Variants in MYOM1 observed in about 807,000 individuals in gnomAD.
The protein encoded by MYOM1 is myomesin-1.
Under a neutral mutation model 205.3 loss-of-function variants are expected in MYOM1, and 164 were observed. The ratio of observed to expected loss-of-function variants is 0.80; its 90% CI spans 0.70 to 0.91. The LOEUF is 0.91. Among genes scored for constraint, MYOM1 ranks in the 40% least tolerant of loss-of-function variants. The pLI is 0.00. For synonymous variants in MYOM1, 772 were observed against 789.4 expected, an observed-to-expected ratio of 0.98 and a Z score of 0.37; for missense variants, 2,011 against 2,127.3, an observed-to-expected ratio of 0.95 and a Z score of 1.08.
At chr18:3,082,426 C>G (rs535187068) in intron 33 of MYOM1, among the ~76,000 whole-genome samples, 2 of 152,324 alleles carry the variant, frequency 1.3e-5, no homozygotes, top group South Asian at 2.1e-4. Context: ...TGAGGAGCAC[C>G]TACCATGTAG....
intron 23 of MYOM1, among the ~76,000 whole-genome samples, chr18:3,101,989 ATTTTTTTT>A (rs35882298): frequency 7.2e-5 from 4 of 55,848 alleles, no homozygotes; most frequent in African/African-American, 3.3e-4. Context: ...TCAGTCTGGG[ATTTTTTTT>A]TTTTTTTTTT....
chr18:3,193,736 A>G, intron 3 of MYOM1, 82 bp downstream of exon 3: 1 of 1,386,506 alleles, frequency 7.2e-7, no homozygotes, highest in South Asian at 1.4e-5. Context: ...GTCCACAACA[A>G]TTATGACTAT....
Position 3,164,392 on chromosome 18 carries a change from C to T in MYOM1, c.1387G>A (p.Glu463Lys). 1 of 1,610,808 alleles carries T rather than the reference C, an allele frequency of 6.2e-7. No individual in the cohort carries two copies. The highest frequency in any genetic ancestry group is 8.5e-7 in the Non-Finnish European group (1 of 1,178,238). ...TGGGAAAATGTCAGCGTTGCCCGCTCTCCACTCCAAAGTGTTTGCACCCAT... is the reference window on the plus strand; with the variant it reads ...TGGGAAAATGTCAGCGTTGCCCGCTTTCCACTCCAAAGTGTTTGCACCCAT... ...SKWVQTLWSG[E>K]RATLTFSHLN... The change falls in exon 10 of 38, where the codon GAG becomes AAG. Residue 463 changes from glutamate to lysine, a missense_variant. Physicochemically the swap from Glu to Lys is moderately conservative, Grantham distance 56. Coordinates refer to ENST00000356443, the MANE Select transcript of MYOM1 (RefSeq NM_003803.4).
chr18:3,169,877 AG>A (rs1161060722), intron 8 of MYOM1, among the ~76,000 whole-genome samples: 2 of 152,262 alleles, frequency 1.3e-5, no homozygotes, highest in Non-Finnish European at 2.9e-5. Flanking sequence ...ACAATAGGCC[AG>A]GATGTGAAAT....
upstream of MYOM1, among the ~76,000 whole-genome samples, chr18:3,224,028 ATTT>A (rs550455569): frequency 7.7e-4 from 107 of 138,646 alleles, no homozygotes; most frequent in African/African-American, 2.4e-3. Context: ...CTAACATTAG[ATTT>A]TTTTTTTTTT....
chr18:3,094,103 C>G (rs1598663340), intron 26 of MYOM1, 67 bp downstream of exon 26: 1 of 1,532,976 alleles, frequency 6.5e-7, no homozygotes, highest in East Asian at 2.3e-5. Flanking sequence ...ATATCCACAT[C>G]CACATAAGGC....
intron 14 of MYOM1, among the ~76,000 whole-genome samples, chr18:3,136,953 T>C (rs1276742364): frequency 6.6e-6 from 1 of 151,706 alleles, no homozygotes; most frequent in East Asian, 1.9e-4. Flanking sequence ...TCTTTCTTTT[T>C]TCTTTTTTTT....
intron 2 of MYOM1, among the ~76,000 whole-genome samples, chr18:3,203,054 C>G (rs2081086332): frequency 6.6e-6 from 1 of 151,442 alleles, no homozygotes; most frequent in African/African-American, 2.4e-5. Context: ...ACCTATTGGT[C>G]AAGAAGAAAT....
chr18:3,121,011 G>C (rs1236670119), intron 19 of MYOM1, among the ~76,000 whole-genome samples: 1 of 152,134 alleles, frequency 6.6e-6, no homozygotes, highest in Non-Finnish European at 1.5e-5. Context: ...TTTCAACAGA[G>C]TATCAGATGC....
rs770734389 is a variant in MYOM1 at position 3,193,950 on chromosome 18, T to A, written c.299A>T (p.Asp100Val). Residue 100 changes from aspartate (D) to valine (V), a missense_variant, in exon 3 of 38, where the codon GAT (aspartate) becomes GTT (valine). By Grantham distance (152) the Asp-to-Val change is radical. Coordinates refer to ENST00000356443, the MANE Select transcript of MYOM1 (RefSeq NM_003803.4). ...ATAATCATCTAACAGCAGACTGGAATCTGTAAGTCTGAAATAAACCACCTA... is the reference window on the plus strand; with the variant it reads ...ATAATCATCTAACAGCAGACTGGAAACTGTAAGTCTGAAATAAACCACCTA... Reference protein sequence around the residue: ...YDYGSSHGLTDSSLLLDDYSS... With the variant: ...YDYGSSHGLTVSSLLLDDYSS... 2 of 1,613,508 alleles carry A rather than the reference T, an allele frequency of 1.2e-6. No homozygotes were observed. Among genetic ancestry groups the A allele is most frequent in the Non-Finnish European group, 1.7e-6 (2 of 1,179,682 alleles).
At chr18:3,129,115 A>T in intron 18 of MYOM1, 117 bp downstream of exon 18, 1 of 1,298,426 alleles carries the variant, frequency 7.7e-7, no homozygotes. Context: ...CTGAAAACAC[A>T]TACAATAAGA....
At chr18:3,137,164 T>C (rs929940054) in intron 14 of MYOM1, among the ~76,000 whole-genome samples, 10 of 152,056 alleles carry the variant, frequency 6.6e-5, no homozygotes, top group Non-Finnish European at 1.3e-4. Flanking sequence ...TTAGCCAGGA[T>C]GGTCTCGATC....
chr18:3,080,436 A>G (rs953896623), intron 33 of MYOM1, among the ~76,000 whole-genome samples: 4 of 151,964 alleles, frequency 2.6e-5, no homozygotes, highest in Non-Finnish European at 5.9e-5. Context: ...CACTTTGGGA[A>G]GCGGAGGCAG....
chr18:3,224,978 ATTATTTTATT>A, the MYOM1 span, among the ~76,000 whole-genome samples: 34 of 127,516 alleles, frequency 2.7e-4, no homozygotes, highest in Non-Finnish European at 3.9e-4. Flanking sequence ...TATTAGTATT[ATTATTTTATT>A]TTATTTTATT....
At chr18:3,100,696 G>A (rs530714733) in intron 23 of MYOM1, among the ~76,000 whole-genome samples, 2 of 152,290 alleles carry the variant, frequency 1.3e-5, no homozygotes, top group Non-Finnish European at 2.9e-5. Context: ...GCTTATCAGT[G>A]CATATCCTGC....
chr18:3,230,045 T>A, the MYOM1 span, among the ~76,000 whole-genome samples: 1 of 149,658 alleles, frequency 6.7e-6, no homozygotes, highest in East Asian at 2.0e-4. Flanking sequence ...GTTTAAAAAA[T>A]TATTTGTGAG....
At chr18:3,160,984 A>G (rs527282089) in intron 10 of MYOM1, among the ~76,000 whole-genome samples, 1 of 152,342 alleles carries the variant, frequency 6.6e-6, no homozygotes, top group African/African-American at 2.4e-5. Context: ...GGACCATAGC[A>G]TGACAAAGGT....
chr18:3,071,712 G>T, intron 37 of MYOM1, 122 bp downstream of exon 37: 1 of 943,638 alleles, frequency 1.1e-6, no homozygotes, highest in Non-Finnish European at 1.7e-6. Flanking sequence ...AGTATAAGCA[G>T]CTATGGAGTA....
At chr18:3,070,307 C>T (rs776571170) in intron 37 of MYOM1, among the ~76,000 whole-genome samples, 2 of 151,874 alleles carry the variant, frequency 1.3e-5, no homozygotes, top group South Asian at 2.1e-4. Flanking sequence ...CACCACCATA[C>T]CCAGCTGACT....
Sources: allele counts gnomAD v4.1 joint callset (sites outside exome capture counted in the v4.1 genomes callset), GRCh38; gene constraint gnomAD v4.1.1; transcripts MANE v1.5; gene names NCBI Gene and HGNC (gene_info 2026-07-23, HGNC 2026-07-21).